The following NAV3 variants were observed in gnomAD, a reference collection of about 807,000 sequenced individuals.
NAV3 encodes pore membrane and/or filament interacting like protein 1.
Under a neutral mutation model 244.7 loss-of-function variants are expected in NAV3, and 87 were observed. The observed-to-expected ratio is 0.36, with a 90% CI of 0.30 to 0.42. NAV3 has a LOEUF of 0.42. Ranked by LOEUF, NAV3 falls within the 20% of genes least tolerant of loss-of-function variation. The probability of loss-of-function intolerance (pLI) is 1.00; values close to 1 mark genes in which losing one functional copy is unlikely to be tolerated. For synonymous variants in NAV3, 1,126 were observed against 1,042.2 expected (o/e 1.08, Z -1.55); for missense variants, 2,663 against 2,893.3 (o/e 0.92, Z 1.83).
At chr12:78,154,421 C>G (rs1957219749) in intron 22 of NAV3, among the ~76,000 whole-genome samples, 1 of 145,474 alleles carries the variant, frequency 6.9e-6, no homozygotes, top group African/African-American at 2.5e-5. Context: ...AGTGGGCTGT[C>G]TCTGTAATCT....
chr12:78,133,911 A>G (rs958508305), intron 18 of NAV3, among the ~76,000 whole-genome samples: 3 of 152,170 alleles, frequency 2.0e-5, no homozygotes, highest in Admixed American at 2.0e-4. Flanking sequence ...AGAATTTCTA[A>G]ATAGAAGAGA....
intron 14 of NAV3, among the ~76,000 whole-genome samples, 200 bp downstream of exon 14, chr12:78,118,497 C>T (rs1002552422): frequency 1.1e-4 from 16 of 152,202 alleles, no homozygotes; most frequent in African/African-American, 3.9e-4. Context: ...TATATCTAGG[C>T]ATTCTCTGGA....
rs183276607 is a variant in NAV3 at position 77,649,086 on chromosome 12, A to T, written c.72+76820A>T. Among the ~76,000 whole-genome samples the T allele has an allele frequency of 5.3e-5, 8 of 152,220 alleles. No individual in the cohort carries two copies. In the East Asian group the frequency reaches 1.5e-3, roughly 29 times the overall value. On this transcript the variant is annotated intron_variant, in intron 2 of 8. Transcript: ENST00000550042. Reference sequence around the variant, plus strand: ...ATGTTATAATATAGTTGGAATATAAACTATATTCTTGGACTTTGTTTAAGC... The same window carrying T: ...ATGTTATAATATAGTTGGAATATAATCTATATTCTTGGACTTTGTTTAAGC...
At chr12:77,969,504 C>T (rs576777457) in intron 5 of NAV3, among the ~76,000 whole-genome samples, 4 of 152,150 alleles carry the variant, frequency 2.6e-5, no homozygotes, top group African/African-American at 7.2e-5. Context: ...AATTGCAGTA[C>T]GCAGGTAGAA....
At chr12:77,747,099 C>T (rs908777289) in intron 2 of NAV3, among the ~76,000 whole-genome samples, 94 of 151,958 alleles carry the variant, frequency 6.2e-4, no homozygotes, top group Middle Eastern at 3.2e-3. Flanking sequence ...TGTACATTTA[C>T]GTAACAATAG....
rs374954391 is a variant in NAV3, at chr12:78,116,833, G to A, written c.2698G>A (p.Asp900Asn). ...TGACACCCTTGATAACATCAGCACTGATGACCTGAACACCACATCCTCTGT... is the reference window on the plus strand; with the variant it reads ...TGACACCCTTGATAACATCAGCACTAATGACCTGAACACCACATCCTCTGT... ...LSDTLDNIST[D>N]DLNTTSSVSS... Residue 900 changes from aspartate to asparagine, a missense_variant, in exon 13 of 40, where the codon GAT becomes AAT. Asp to Asn is a conservative substitution (Grantham distance 23). This residue lies in a region of NAV3 where 1,521 missense variants were observed against 1,497.0 expected (regional missense o/e 1.02). Transcript: ENST00000397909. 3 of 1,612,904 alleles carry A rather than the reference G, an allele frequency of 1.9e-6. No homozygotes were observed. Among genetic ancestry groups the A allele is most frequent in the Admixed American group, 1.7e-5 (1 of 59,954 alleles).
At chr12:77,816,260 T>C (rs1356934) in intron 2 of NAV3, among the ~76,000 whole-genome samples, 148,565 of 152,288 alleles carry the variant, frequency 0.98, 72,595 homozygotes, top group East Asian at 1. Flanking sequence ...TTGTTCAACA[T>C]CCTGCAGATA....
At chr12:78,029,826 T>A (rs115879918) in intron 9 of NAV3, among the ~76,000 whole-genome samples, 2,804 of 152,282 alleles carry the variant, frequency 0.018, 97 homozygotes, top group African/African-American at 0.064. Flanking sequence ...TATTGGTAAG[T>A]ACTTATGTAT....
At chr12:77,648,632 T>C (rs1393993466) in intron 2 of NAV3, among the ~76,000 whole-genome samples, 3 of 152,246 alleles carry the variant, frequency 2.0e-5, no homozygotes, top group East Asian at 3.9e-4. Flanking sequence ...TACGAAGATA[T>C]CTGTAACCAG....
chr12:78,054,917 G>A (rs948166720), intron 11 of NAV3, among the ~76,000 whole-genome samples: 5 of 152,076 alleles, frequency 3.3e-5, no homozygotes, highest in African/African-American at 1.2e-4. Flanking sequence ...GTTTGTCCAG[G>A]ATAGAGATCT....
In NAV3 at chr12:78,195,210, T is replaced by C. The variant is rs368159425; in HGVS notation, c.6292-2037T>C. On this transcript the variant is annotated intron_variant, in intron 34 of 39. Coordinates refer to ENST00000397909, the MANE Select transcript of NAV3 (RefSeq NM_001024383.2). ...TAAAATGCAACTTCTTCTGCATGGA[T>C]TCAAAGTCTTTTTTTCTTTTTTATT... 9.9e-5 allele frequency among the ~76,000 whole-genome samples: 15 copies of C among 152,164 alleles called. 1 individual carries two copies. In the East Asian group the frequency reaches 1.7e-3, roughly 18 times the overall value.
At chr12:77,573,099 G>A (rs1868907107) in intron 2 of NAV3, among the ~76,000 whole-genome samples, 1 of 152,132 alleles carries the variant, frequency 6.6e-6, no homozygotes, top group South Asian at 2.1e-4. Context: ...CAGTAGCGAT[G>A]GTGCTGGCAA....
chr12:77,891,788 G>A (rs1049898630), intron 1 of NAV3, among the ~76,000 whole-genome samples: 2 of 152,138 alleles, frequency 1.3e-5, no homozygotes, highest in Non-Finnish European at 1.5e-5. Context: ...GCTTTTCTGT[G>A]TTACACTCTG....
At chr12:78,084,201 C>T (rs1342335313) in intron 12 of NAV3, among the ~76,000 whole-genome samples, 1 of 152,192 alleles carries the variant, frequency 6.6e-6, no homozygotes, top group East Asian at 1.9e-4. Flanking sequence ...TCCAGTCTTT[C>T]TTTCCCTTTC....
chr12:78,102,887 T>C (rs368771646), intron 12 of NAV3, among the ~76,000 whole-genome samples: 160 of 152,220 alleles, frequency 1.1e-3, no homozygotes, highest in African/African-American at 3.4e-3. Context: ...GCACACAGTA[T>C]GGGCACCCTG....
At chr12:78,122,696 T>C (rs1332589116) in intron 16 of NAV3, among the ~76,000 whole-genome samples, 1 of 152,166 alleles carries the variant, frequency 6.6e-6, no homozygotes, top group Non-Finnish European at 1.5e-5. Flanking sequence ...AAGGAATGTA[T>C]TTAGATATTG....
At chr12:78,156,818 A>T (rs1303367555) in intron 22 of NAV3, among the ~76,000 whole-genome samples, 2 of 152,104 alleles carry the variant, frequency 1.3e-5, no homozygotes, top group Non-Finnish European at 1.5e-5. Flanking sequence ...AGTGACCATC[A>T]TGGGCATATA....
chr12:78,126,235 T>C (rs1955900564), intron 16 of NAV3, among the ~76,000 whole-genome samples: 2 of 152,214 alleles, frequency 1.3e-5, no homozygotes, highest in African/African-American at 2.4e-5. Flanking sequence ...TAGCTTTGGT[T>C]TGAGTGATCA....
intron 19 of NAV3, among the ~76,000 whole-genome samples, chr12:78,139,071 G>A (rs1187243802): frequency 6.6e-5 from 10 of 151,148 alleles, no homozygotes; most frequent in African/African-American, 2.2e-4. Context: ...TTTAGTTTAC[G>A]AGGGTATTAT....
Sources: gnomAD v4.1 joint callset for allele counts (sites outside exome capture counted in the v4.1 genomes callset) on GRCh38, gnomAD v4.1.1 for gene constraint, gnomAD v4.1.1 regional missense constraint, MANE v1.5 for transcripts, NCBI Gene and HGNC (gene_info 2026-07-23, HGNC 2026-07-21) for gene names.